LGALS4: variants seen among roughly 807,000 people sequenced by gnomAD.
The protein encoded by LGALS4 is galectin-4.
In LGALS4, 37 loss-of-function variants were observed where a neutral mutation model predicts 39.6. That is an observed-to-expected ratio of 0.93 (90% confidence interval 0.72 to 1.23). The LOEUF (loss-of-function observed/expected upper bound fraction) is 1.23. Among genes scored for constraint, LGALS4 ranks in the 50% most tolerant of loss-of-function variants. The pLI is 0.00. For synonymous variants in LGALS4, 160 were observed against 165.5 expected, an observed-to-expected ratio of 0.97 and a Z score of 0.25; for missense variants, 397 against 433.2, an observed-to-expected ratio of 0.92 and a Z score of 0.74.
chr19:38,809,432 G>C lies in LGALS4; in HGVS notation c.135-484C>G, dbSNP rs570747861. Among the ~76,000 whole-genome samples the C allele has an allele frequency of 3.3e-5, 5 of 151,732 alleles. No homozygotes were observed. In the South Asian group the frequency reaches 8.3e-4, roughly 25 times the overall value. ...TGACCTCAGGTGATCCACCTGCCTC[G>C]GCTTCCCAAAGTGCTGGGATTACAG... On this transcript the variant is annotated intron_variant, in intron 2 of 9. Transcript: ENST00000307751.
intron 4 of LGALS4, 80 bp downstream of exon 4, chr19:38,806,381 A>T: frequency 6.6e-7 from 1 of 1,507,794 alleles, no homozygotes; most frequent in Non-Finnish European, 9.0e-7. Context: ...AAAAAAAGAA[A>T]AAAAGAAAAA....
At chr19:38,812,024 A>G (rs1245310135) in intron 2 of LGALS4, among the ~76,000 whole-genome samples, 2 of 151,900 alleles carry the variant, frequency 1.3e-5, no homozygotes, top group African/African-American at 4.8e-5. Context: ...AAAACAAAAA[A>G]AAAAACAAAA....
chr19:38,812,685 T>C, intron 1 of LGALS4, 157 bp downstream of exon 1: 2 of 959,600 alleles, frequency 2.1e-6, no homozygotes, highest in Non-Finnish European at 3.3e-6. Flanking sequence ...ACAGACAGCC[T>C]GAGGTCAGGG....
intron 2 of LGALS4, among the ~76,000 whole-genome samples, chr19:38,810,043 A>G (rs1971474273): frequency 6.6e-6 from 1 of 152,134 alleles, no homozygotes; most frequent in Non-Finnish European, 1.5e-5. Context: ...GGGCCTTTGC[A>G]CTGGCTGTTC....
In LGALS4 at chr19:38,805,220, C is replaced by A. The variant is rs150449293; in HGVS notation, c.474+1241G>T. Reference sequence around the variant, plus strand: ...ATAATAATAATAATATTGATAAACTCAATTTAATTGTATGTTATTTATTTT... The same window carrying A: ...ATAATAATAATAATATTGATAAACTAAATTTAATTGTATGTTATTTATTTT... On this transcript the variant is annotated intron_variant, in intron 4 of 9. Coordinates refer to ENST00000307751, the MANE Select transcript of LGALS4 (RefSeq NM_006149.4). Among the ~76,000 whole-genome samples the A allele has an allele frequency of 5.2e-3, 769 of 148,318 alleles. 7 individuals carry two copies. Among genetic ancestry groups the A allele is most frequent in the African/African-American group, 0.018 (738 of 40,106 alleles).
At chr19:38,807,513 C>T (rs148101155) in intron 3 of LGALS4, among the ~76,000 whole-genome samples, 4 of 152,028 alleles carry the variant, frequency 2.6e-5, no homozygotes, top group East Asian at 1.9e-4. Context: ...AGGCAGGAAA[C>T]GGCCGCCCTT....
intron 4 of LGALS4, 93 bp from the exon 5 acceptor site, chr19:38,803,988 C>T: frequency 1.5e-6 from 2 of 1,335,986 alleles, no homozygotes; most frequent in Non-Finnish European, 1.1e-6. Context: ...TGGCCCACCA[C>T]CACCACCACT....
chr19:38,803,671 C>T, intron 6 of LGALS4, 71 bp downstream of exon 6: 1 of 1,599,216 alleles, frequency 6.3e-7, no homozygotes, highest in Non-Finnish European at 8.5e-7. Context: ...TGCAACCCCT[C>T]TTAGCTCCCC....
intron 3 of LGALS4, among the ~76,000 whole-genome samples, chr19:38,807,160 A>G (rs539165404): frequency 6.6e-6 from 1 of 151,906 alleles, no homozygotes; most frequent in Non-Finnish European, 1.5e-5. Flanking sequence ...TGAGATCAAG[A>G]GTTCGAGACC....
intron 2 of LGALS4, 70 bp downstream of exon 2, chr19:38,812,361 C>T: frequency 7.2e-7 from 1 of 1,394,208 alleles, no homozygotes; most frequent in Non-Finnish European, 1.0e-6. Flanking sequence ...AGAAAGCCCC[C>T]AACAGCCAGG....
At position 38,803,563 on chromosome 19, in the gene LGALS4, G is replaced by A; in HGVS notation, c.541-12C>T. The A allele has an allele frequency of 1.9e-6, 3 of 1,613,922 alleles. No homozygotes were observed. The highest frequency in any genetic ancestry group is 1.1e-5 in the South Asian group (1 of 91,076). Reference sequence around the variant, plus strand: ...GGTCCTTCCATGGTCTGTGAAGTGAGGAAGAAGCGATATTATTCTCCAAGA... The same window carrying A: ...GGTCCTTCCATGGTCTGTGAAGTGAAGAAGAAGCGATATTATTCTCCAAGA... On this transcript the variant is annotated splice_polypyrimidine_tract_variant and intron_variant, in intron 6 of 9. Coordinates refer to ENST00000307751, the MANE Select transcript of LGALS4 (RefSeq NM_006149.4).
At position 38,802,037 on chromosome 19, in the gene LGALS4, C is replaced by T; in HGVS notation, c.780G>A (p.Glu260=). Residue 260 remains glutamate (E), a synonymous_variant, in exon 9 of 10, where the codon GAG becomes GAA. Coordinates refer to ENST00000307751, the MANE Select transcript of LGALS4 (RefSeq NM_006149.4). The part of the protein sequence containing the change: ...SLLNGSWGSE[E]KKITHNPFGP... ...CAAATGGGTTGTGGGTGATCTTCTT[C>T]TCCTCGGATCCCCACGAGCCATTCA... 2 of 1,614,240 alleles carry T rather than the reference C, an allele frequency of 1.2e-6. No homozygotes were observed. Among genetic ancestry groups the T allele is most frequent in the Non-Finnish European group, 1.7e-6 (2 of 1,180,034 alleles).
intron 3 of LGALS4, among the ~76,000 whole-genome samples, chr19:38,807,877 G>T (rs529410549): frequency 8.5e-5 from 13 of 152,274 alleles, no homozygotes; most frequent in Admixed American, 1.3e-4. Flanking sequence ...AATGGATTAA[G>T]GGCTGTGCAG....
At chr19:38,803,100 C>T (rs1681086431) in intron 7 of LGALS4, 1 of 171,106 alleles carries the variant, frequency 5.8e-6, no homozygotes, top group South Asian at 1.5e-4. Context: ...CTGCAACCTC[C>T]GACTCCCTGG....
At chr19:38,812,366 G>A in intron 2 of LGALS4, 65 bp downstream of exon 2, 1 of 1,433,826 alleles carries the variant, frequency 7.0e-7, no homozygotes, top group South Asian at 1.2e-5. Flanking sequence ...GCCCCCAACA[G>A]CCAGGCCCAG....
intron 2 of LGALS4, among the ~76,000 whole-genome samples, chr19:38,811,200 C>T (rs1246416473): frequency 6.6e-6 from 1 of 152,178 alleles, no homozygotes; most frequent in Non-Finnish European, 1.5e-5. Context: ...CGCGCCCGGC[C>T]TGGACTTATT....
At chr19:38,809,055 G>T in intron 2 of LGALS4, 107 bp from the exon 3 acceptor site, 1 of 922,452 alleles carries the variant, frequency 1.1e-6, no homozygotes, top group Non-Finnish European at 1.6e-6. Flanking sequence ...TCCCTGGCCC[G>T]GACCTCAGCA....
In LGALS4 at chr19:38,802,175, T is replaced by TG. The variant is rs1971365037; in HGVS notation, c.660-19dup. ...TAGCAAAGCTGGGGACAGAGAGGGA[T>TG]GGGGGAGTCAGATGGAGTCCAGTGG... On this transcript the variant is annotated intron_variant, in intron 8 of 9. Coordinates refer to ENST00000307751, the MANE Select transcript of LGALS4 (RefSeq NM_006149.4). 1 of 1,611,688 alleles carries TG rather than the reference T, an allele frequency of 6.2e-7. No homozygotes were observed. The highest frequency in any genetic ancestry group is 1.3e-5 in the African/African-American group (1 of 74,768).
At chr19:38,810,761 G>C (rs1474923452) in intron 2 of LGALS4, among the ~76,000 whole-genome samples, 19 of 152,198 alleles carry the variant, frequency 1.2e-4, no homozygotes. Flanking sequence ...ACAGGCGTAA[G>C]CCACCATGCC....
Sources: allele counts gnomAD v4.1 joint callset (sites outside exome capture counted in the v4.1 genomes callset), GRCh38; gene constraint gnomAD v4.1.1; transcripts MANE v1.5; gene names NCBI Gene and HGNC (gene_info 2026-07-23, HGNC 2026-07-21).